Variants in HOXD3 observed in about 807,000 individuals in gnomAD.
HOXD3 encodes the protein homeobox protein Hox-D3.
A neutral mutation model predicts 32.8 loss-of-function variants in HOXD3; 13 were observed. That is an observed-to-expected ratio of 0.40 (90% CI 0.26 to 0.63). The LOEUF is 0.63. Among genes scored for constraint, HOXD3 ranks in the 20% least tolerant of loss-of-function variants. The pLI is 0.44. For synonymous variants in HOXD3, 241 were observed against 246.8 expected (o/e 0.98, Z 0.22); for missense variants, 504 against 577.1 (o/e 0.87, Z 1.30).
intron 3 of HOXD3, among the ~76,000 whole-genome samples, chr2:176,170,765 T>C (rs1350379443): frequency 6.6e-6 from 1 of 152,090 alleles, no homozygotes; most frequent in Non-Finnish European, 1.5e-5. Context: ...TTGTCTTCCC[T>C]GGGAGGGAGT....
chr2:176,168,261 C>CCAA (rs1691046291), intron 2 of HOXD3, among the ~76,000 whole-genome samples: 1 of 103,394 alleles, frequency 9.7e-6, no homozygotes, highest in Non-Finnish European at 1.9e-5. Flanking sequence ...CCTGTCTCTA[C>CCAA]AAAAAAAAAA....
At chr2:176,170,897 GTT>G (rs11437853) in intron 3 of HOXD3, among the ~76,000 whole-genome samples, 4 of 150,540 alleles carry the variant, frequency 2.7e-5, no homozygotes, top group African/African-American at 9.8e-5. Flanking sequence ...CCCAGGCAGT[GTT>G]TTTTTTTGTT....
chr2:176,158,524 A>G (rs1186692005), intron 1 of HOXD3, among the ~76,000 whole-genome samples: 2 of 152,018 alleles, frequency 1.3e-5, no homozygotes, highest in Non-Finnish European at 2.9e-5. Context: ...GGCTTTCAGA[A>G]TGATTTCAGC....
intron 1 of HOXD3, among the ~76,000 whole-genome samples, chr2:176,161,882 T>G (rs1389500643): frequency 1.3e-5 from 2 of 152,222 alleles, no homozygotes; most frequent in Non-Finnish European, 2.9e-5. Flanking sequence ...CTCCTTTTGT[T>G]TACTTGCTCC....
At chr2:176,168,721 C>G (rs1447926042) in intron 2 of HOXD3, among the ~76,000 whole-genome samples, 1 of 152,124 alleles carries the variant, frequency 6.6e-6, no homozygotes, top group Non-Finnish European at 1.5e-5. Flanking sequence ...GCTATTAATA[C>G]TGCAGAATAG....
chr2:176,152,542 C>T (rs190840162), upstream of HOXD3: 122 of 1,363,478 alleles, frequency 8.9e-5, no homozygotes, highest in Middle Eastern at 1.5e-3. This position sits in a 1 kb window ranked among gnomAD's most constrained non-coding sequence, Gnocchi z 5.2. Context: ...AAGTGAGCGG[C>T]GGAGGCGAGG....
intron 1 of HOXD3, among the ~76,000 whole-genome samples, chr2:176,158,095 C>T (rs1441737825): frequency 6.6e-6 from 1 of 152,240 alleles, no homozygotes; most frequent in Non-Finnish European, 1.5e-5. Flanking sequence ...TCTCTCCCCA[C>T]CCAAGTTCTG....
chr2:176,159,445 G>A (rs1039433551), intron 1 of HOXD3, among the ~76,000 whole-genome samples: 1 of 152,174 alleles, frequency 6.6e-6, no homozygotes, highest in Admixed American at 6.5e-5. Flanking sequence ...CACTTTCACC[G>A]GTCTCAGACC....
intron 2 of HOXD3, among the ~76,000 whole-genome samples, chr2:176,167,933 GC>G (rs931185541): frequency 6.6e-6 from 1 of 152,102 alleles, no homozygotes; most frequent in Non-Finnish European, 1.5e-5. Context: ...GGGCGAATCA[GC>G]CAACAAAATG....
Position 176,171,956 on chromosome 2 carries a change from GC to G in HOXD3, c.982del (p.Arg328AlafsTer102). 6.2e-7 allele frequency: 1 copy of G among 1,610,592 alleles called. No individual in the cohort carries two copies. Among genetic ancestry groups the G allele is most frequent in the Non-Finnish European group, 8.5e-7 (1 of 1,179,404 alleles). Reference protein sequence around the residue: ...PLSSCLPQQKRYAAPEFEPHP... With the variant: ...PLSSCLPQQKXYAAPEFEPHP... ...TCAGCAGCTGCCTGCCACAACAGAAGCGCTACGCAGCGCCGGAGTTCGAGCC... is the reference window on the plus strand; with the variant it reads ...TCAGCAGCTGCCTGCCACAACAGAAGGCTACGCAGCGCCGGAGTTCGAGCC... On this transcript the variant is annotated frameshift_variant, in exon 4 of 4. Coordinates refer to ENST00000683222, the MANE Select transcript of HOXD3 (RefSeq NM_006898.5). LOFTEE classifies it high-confidence loss of function.
chr2:176,152,626 G>T, upstream of HOXD3: 1 of 1,613,942 alleles, frequency 6.2e-7, no homozygotes, highest in South Asian at 1.1e-5. This position sits in a 1 kb window ranked among gnomAD's most constrained non-coding sequence, Gnocchi z 5.2. Context: ...AACTACACCG[G>T]TGGGGAACCC....
chr2:176,170,641 G>T (rs1026054146), intron 3 of HOXD3, among the ~76,000 whole-genome samples: 6 of 152,158 alleles, frequency 3.9e-5, no homozygotes, highest in Admixed American at 2.0e-4. Context: ...TTTGCCTGAT[G>T]TTTTCTGGGG....
intron 1 of HOXD3, chr2:176,161,146 A>G: frequency 6.6e-6 from 1 of 152,262 alleles, no homozygotes; most frequent in East Asian, 1.9e-4. Context: ...TGAGCGGGAT[A>G]TTAAATATGA....
At chr2:176,167,944 G>T (rs1048225129) in intron 2 of HOXD3, among the ~76,000 whole-genome samples, 1 of 152,152 alleles carries the variant, frequency 6.6e-6, no homozygotes. Flanking sequence ...CCAACAAAAT[G>T]TCTGAGGCTA....
intron 2 of HOXD3, among the ~76,000 whole-genome samples, chr2:176,167,781 A>G (rs981022707): frequency 1.3e-5 from 2 of 148,666 alleles, no homozygotes; most frequent in Admixed American, 1.4e-4. Context: ...TGCTGACCCA[A>G]TGATTGACTG....
At chr2:176,152,968 C>T (rs1690574762), upstream of HOXD3, 2 of 1,604,816 alleles carry the variant, frequency 1.2e-6, no homozygotes, top group Admixed American at 1.7e-5. The surrounding 1 kb of genome is among the most constrained non-coding windows in gnomAD (Gnocchi z 5.2). Flanking sequence ...GCCCATCTCT[C>T]CCTGCGCACC....
In HOXD3 at chr2:176,172,812, G is replaced by A. The variant is rs1036396227; in HGVS notation, c.*538G>A. Reference sequence around the variant, plus strand: ...TGTAGATTTATCCAGCCGAGCTTAGGAATTCGCTTCCAGGCCGTGGGGGCC... The same window carrying A: ...TGTAGATTTATCCAGCCGAGCTTAGAAATTCGCTTCCAGGCCGTGGGGGCC... On this transcript the variant is annotated 3_prime_UTR_variant, in exon 4 of 4. Transcript: ENST00000683222. 7.8e-5 allele frequency: 12 copies of A among 153,640 alleles called. No homozygotes were observed. Among genetic ancestry groups the A allele is most frequent in the African/African-American group, 2.9e-4 (12 of 41,486 alleles). The allele number at this position is 153,640 out of a possible 1,614,324, so 9.5% of individuals were successfully genotyped here. A position where few individuals can be genotyped will look rare whatever the true frequency, so the allele number is the denominator to read the frequency against.
upstream of HOXD3, chr2:176,152,954 C>T: frequency 6.2e-7 from 1 of 1,612,270 alleles, no homozygotes; most frequent in Non-Finnish European, 8.5e-7. The surrounding 1 kb of genome is among the most constrained non-coding windows in gnomAD (Gnocchi z 5.2). Flanking sequence ...AGTGGGGACC[C>T]TGGGCCCATC....
At chr2:176,166,097 A>G (rs1690963122) in intron 2 of HOXD3, among the ~76,000 whole-genome samples, 1 of 152,210 alleles carries the variant, frequency 6.6e-6, no homozygotes, top group African/African-American at 2.4e-5. Context: ...TTTTGGGGAA[A>G]TGGACATTAA....
Sources: gnomAD v4.1 joint callset for allele counts (sites outside exome capture counted in the v4.1 genomes callset) on GRCh38, gnomAD v4.1.1 for gene constraint, Gnocchi (gnomAD v3.1) non-coding constraint, MANE v1.5 for transcripts, NCBI Gene and HGNC (gene_info 2026-07-23, HGNC 2026-07-21) for gene names.